The following POLN variants were observed in gnomAD, a reference collection of about 807,000 sequenced individuals.
POLN encodes DNA polymerase N.
A neutral mutation model predicts 113.5 loss-of-function variants in POLN; 108 were observed. That is an observed-to-expected ratio of 0.95 (90% CI 0.81 to 1.12). The LOEUF (loss-of-function observed/expected upper bound fraction) is 1.12, where lower values mean the gene tolerates loss of function less well. Among genes scored for constraint, POLN ranks in the 50% most tolerant of loss-of-function variants. The pLI is 0.00. For synonymous variants in POLN, 386 were observed against 391.5 expected (o/e 0.99, Z 0.17); for missense variants, 1,097 against 1,077.1 (o/e 1.02, Z -0.26).
intron 5 of POLN, among the ~76,000 whole-genome samples, chr4:2,207,558 T>C (rs998723963): frequency 6.6e-6 from 1 of 152,000 alleles, no homozygotes; most frequent in Non-Finnish European, 1.5e-5. Context: ...TAACCCAATT[T>C]TAAAATGGGC....
intron 19 of POLN, among the ~76,000 whole-genome samples, chr4:2,110,919 C>T (rs1731177659): frequency 1.3e-5 from 2 of 152,166 alleles, no homozygotes; most frequent in Non-Finnish European, 2.9e-5. Flanking sequence ...ATACCAAAGC[C>T]TGGCAGAGAC....
chr4:2,072,996 T>C lies in POLN; in HGVS notation c.2489A>G (p.Gln830Arg). ...LVRRTMESLE[Q>R]VQALELQLQV... is the part of the protein sequence containing the mutation. ...AAGCTGCAGCTCCAATGCCTGCACC[T>C]GTTCCAAGGACTCCATGGTCCTCCT... is the stretch of plus-strand genomic sequence containing the variant. The change falls in exon 25 of 26, where the codon CAG becomes CGG. Residue 830 changes from glutamine to arginine, a missense_variant. Physicochemically the swap from Gln to Arg is conservative, Grantham distance 43 (BLOSUM62 1). Coordinates refer to ENST00000511885, the MANE Select transcript of POLN (RefSeq NM_181808.4). 2.5e-6 allele frequency: 4 copies of C among 1,613,516 alleles called. No individual in the cohort carries two copies. The highest frequency in any genetic ancestry group is 1.1e-5 in the South Asian group (1 of 91,082).
chr4:2,100,142 A>T (rs1730889724), intron 19 of POLN, among the ~76,000 whole-genome samples: 1 of 151,980 alleles, frequency 6.6e-6, no homozygotes, highest in Non-Finnish European at 1.5e-5. Flanking sequence ...CAAATCGTTT[A>T]TATGGTATGA....
In POLN at chr4:2,179,295, T is replaced by C. The variant is rs1307814874; in HGVS notation, c.1179+13A>G. The C allele has an allele frequency of 6.2e-7, 1 of 1,606,044 alleles. No homozygotes were observed. On this transcript the variant is annotated intron_variant, in intron 8 of 25. Transcript: ENST00000511885. ...GTATTAAGGTTGATAAAACTTTATC[T>C]TAAACAACTCACCACAATATTTCTT...
At chr4:2,207,037 G>C (rs1307977119) in intron 5 of POLN, among the ~76,000 whole-genome samples, 1 of 152,126 alleles carries the variant, frequency 6.6e-6, no homozygotes, top group Non-Finnish European at 1.5e-5. Flanking sequence ...AGAAACTGTG[G>C]TATATACATA....
At chr4:2,121,770 C>T (rs565788613) in intron 19 of POLN, among the ~76,000 whole-genome samples, 1 of 151,752 alleles carries the variant, frequency 6.6e-6, no homozygotes, top group Admixed American at 6.6e-5. Flanking sequence ...ATCAATTTTG[C>T]TGATTTTTCA....
chr4:2,081,144 C>CT (rs777037176), intron 22 of POLN, 108 bp from the exon 23 acceptor site: 1 of 1,601,244 alleles, frequency 6.2e-7, no homozygotes, highest in African/African-American at 1.3e-5. Flanking sequence ...CACAGAGGTG[C>CT]TGGCTCTGAG....
At chr4:2,209,033 T>C (rs1733926114) in intron 4 of POLN, among the ~76,000 whole-genome samples, 1 of 152,006 alleles carries the variant, frequency 6.6e-6, no homozygotes, top group African/African-American at 2.4e-5. Flanking sequence ...GTTCTGGGAA[T>C]CAGTGCATGT....
At chr4:2,122,274 G>C (rs1034417809) in intron 19 of POLN, among the ~76,000 whole-genome samples, 3 of 152,230 alleles carry the variant, frequency 2.0e-5, no homozygotes, top group African/African-American at 7.2e-5. Context: ...TCTGGAGAGA[G>C]AGCAGGGGTG....
chr4:2,158,079 G>A (rs538697982), intron 14 of POLN, among the ~76,000 whole-genome samples, 168 bp from the exon 15 acceptor site: 29 of 152,234 alleles, frequency 1.9e-4, no homozygotes, highest in Middle Eastern at 3.4e-3. Flanking sequence ...AGTCTCCTGA[G>A]TAGCTGGGAT....
At chr4:2,194,887 G>A (rs1177391909) in intron 6 of POLN, among the ~76,000 whole-genome samples, 1 of 151,900 alleles carries the variant, frequency 6.6e-6, no homozygotes, top group Non-Finnish European at 1.5e-5. Flanking sequence ...GACAAAGAGA[G>A]ACTCTGGCTC....
intron 19 of POLN, 89 bp from the exon 20 acceptor site, chr4:2,096,022 C>A: frequency 9.1e-7 from 1 of 1,098,170 alleles, no homozygotes; most frequent in African/African-American, 1.5e-5. Flanking sequence ...CACCACTGTG[C>A]TTCCTCTGGA....
At chr4:2,232,066 T>C (rs1462976670) in intron 2 of POLN, 2 of 1,595,014 alleles carry the variant, frequency 1.3e-6, no homozygotes, top group East Asian at 4.5e-5. Context: ...TGCCAAAGTT[T>C]TTCTTTTTGT....
chr4:2,111,780 AG>A (rs928010367), intron 19 of POLN, among the ~76,000 whole-genome samples: 167 of 152,376 alleles, frequency 1.1e-3, no homozygotes, highest in African/African-American at 3.9e-3. Flanking sequence ...GCTCATAAGT[AG>A]GAAGAATCAA....
At chr4:2,128,445 G>A (rs1731639219) in intron 18 of POLN, among the ~76,000 whole-genome samples, 1 of 152,180 alleles carries the variant, frequency 6.6e-6, no homozygotes, top group South Asian at 2.1e-4. Context: ...GAGTGAGAAT[G>A]TGTGCGTGGA....
chr4:2,135,813 G>A (rs559166414), intron 16 of POLN, among the ~76,000 whole-genome samples: 21 of 152,150 alleles, frequency 1.4e-4, no homozygotes, highest in Non-Finnish European at 2.6e-4. Flanking sequence ...TCTAGCAAGC[G>A]GCTGCCGTCA....
In POLN at chr4:2,206,544, T is replaced by C. The variant is rs573222940; in HGVS notation, c.714+1443A>G. ...CAGAATCTACAATGACTCAAACAAA[T>C]TAGCAAGAAAAAAGCAAACAATCCC... On this transcript the variant is annotated intron_variant, in intron 5 of 25. Transcript: ENST00000511885. Among the ~76,000 whole-genome samples, 3 of 152,148 alleles carry C rather than the reference T, an allele frequency of 2.0e-5. No individual in the cohort carries two copies. In the Middle Eastern group the frequency reaches 0.01, roughly 518 times the overall value.
At position 2,135,687 on chromosome 4, in the gene POLN, C is replaced by T. The variant is rs78582629; in HGVS notation, c.1732-4397G>A. Among the ~76,000 whole-genome samples the T allele has an allele frequency of 1.7e-3, 254 of 152,206 alleles. 2 individuals carry two copies. Among genetic ancestry groups the T allele is most frequent in the African/African-American group, 5.6e-3 (232 of 41,454 alleles). On this transcript the variant is annotated intron_variant, in intron 16 of 25. Transcript: ENST00000511885. Reference sequence around the variant, plus strand: ...CGAACATCTGGGAGGAAGCTGGGTCCCACCAGGTGAGAGTCCAAATGTGGG... The same window carrying T: ...CGAACATCTGGGAGGAAGCTGGGTCTCACCAGGTGAGAGTCCAAATGTGGG...
intron 13 of POLN, among the ~76,000 whole-genome samples, chr4:2,161,111 C>G (rs556769): frequency 0.84 from 128,326 of 152,178 alleles, 55,230 homozygotes; most frequent in Non-Finnish European, 0.94. Flanking sequence ...CGCGCTGGCA[C>G]TCCTCACAGC....
Sources: gnomAD v4.1 joint callset for allele counts (sites outside exome capture counted in the v4.1 genomes callset) on GRCh38, gnomAD v4.1.1 for gene constraint, MANE v1.5 for transcripts, NCBI Gene and HGNC (gene_info 2026-07-23, HGNC 2026-07-21) for gene names.